ATRNL1: variants seen among roughly 807,000 people sequenced by gnomAD.
ATRNL1 encodes attractin like 1, also known as attractin-like protein 1.
ATRNL1 carries 95 observed loss-of-function variants against 182.7 expected under a neutral mutation model. The ratio of observed to expected loss-of-function variants is 0.52; its 90% CI spans 0.44 to 0.62. ATRNL1 has a LOEUF of 0.62. ATRNL1 is among the 20% of genes least tolerant of loss of function. ATRNL1 has a pLI of 0.00. For synonymous variants in ATRNL1, 576 were observed against 568.3 expected, an observed-to-expected ratio of 1.01 and a Z score of -0.19; for missense variants, 1,471 against 1,679.5, an observed-to-expected ratio of 0.88 and a Z score of 2.17.
intron 24 of ATRNL1, among the ~76,000 whole-genome samples, chr10:115,503,576 A>G (rs1216140864): frequency 6.9e-6 from 1 of 144,488 alleles, no homozygotes; most frequent in African/African-American, 2.9e-5. Flanking sequence ...AGAAAATTTC[A>G]TTGTTTTAAC....
intron 8 of ATRNL1, among the ~76,000 whole-genome samples, chr10:115,209,312 A>G (rs1275846797): frequency 6.6e-6 from 1 of 151,308 alleles, no homozygotes; most frequent in African/African-American, 2.4e-5. Context: ...TCTGGCAATC[A>G]TAGAGCCTAC....
At chr10:115,659,975 T>C (rs2133901367) in intron 26 of ATRNL1, among the ~76,000 whole-genome samples, 1 of 152,182 alleles carries the variant, frequency 6.6e-6, no homozygotes, top group East Asian at 1.9e-4. Context: ...TGCTAAGAAG[T>C]TTACCTTTAT....
chr10:115,374,335 A>G (rs1857548379), intron 19 of ATRNL1, among the ~76,000 whole-genome samples: 1 of 150,844 alleles, frequency 6.6e-6, no homozygotes, highest in African/African-American at 2.4e-5. Flanking sequence ...TCTAGTTCCT[A>G]TTTCATTTAT....
At chr10:115,767,154 T>C (rs1370320173) in intron 27 of ATRNL1, among the ~76,000 whole-genome samples, 1 of 152,172 alleles carries the variant, frequency 6.6e-6, no homozygotes, top group African/African-American at 2.4e-5. Flanking sequence ...CAAACTGTTC[T>C]CACTCATTTA....
At chr10:115,233,341 T>C (rs1554900443) in intron 9 of ATRNL1, among the ~76,000 whole-genome samples, 1 of 152,166 alleles carries the variant, frequency 6.6e-6, no homozygotes, top group Non-Finnish European at 1.5e-5. Flanking sequence ...TTTTTCTGTT[T>C]ATGATCTGAT....
chr10:115,293,168 T>C (rs1412556984), intron 15 of ATRNL1, among the ~76,000 whole-genome samples: 2 of 152,156 alleles, frequency 1.3e-5, no homozygotes, highest in Non-Finnish European at 2.9e-5. Context: ...TAAGTGTAGC[T>C]ACTCCTGTTC....
At chr10:115,668,983 A>T (rs1275647931) in intron 26 of ATRNL1, among the ~76,000 whole-genome samples, 3 of 152,106 alleles carry the variant, frequency 2.0e-5, no homozygotes, top group Non-Finnish European at 4.4e-5. Flanking sequence ...ATAGAACTAG[A>T]TCCAGAAAAA....
intron 27 of ATRNL1, among the ~76,000 whole-genome samples, chr10:115,758,514 G>A (rs1948650088): frequency 6.6e-6 from 1 of 152,128 alleles, no homozygotes; most frequent in East Asian, 1.9e-4. Flanking sequence ...GTCCCAGAGG[G>A]GCACCCACCA....
intron 9 of ATRNL1, among the ~76,000 whole-genome samples, chr10:115,216,923 A>G (rs1325253318): frequency 5.3e-5 from 8 of 151,748 alleles, no homozygotes; most frequent in Non-Finnish European, 1.0e-4. Context: ...TATTCTTTAT[A>G]TTTTTATATT....
At chr10:115,612,129 G>A (rs1216059642) in intron 26 of ATRNL1, among the ~76,000 whole-genome samples, 1 of 152,098 alleles carries the variant, frequency 6.6e-6, no homozygotes, top group Non-Finnish European at 1.5e-5. Flanking sequence ...GCGGACGCCT[G>A]TAATCCCAGC....
At chr10:115,691,025 G>A (rs1417424181) in intron 26 of ATRNL1, among the ~76,000 whole-genome samples, 1 of 152,072 alleles carries the variant, frequency 6.6e-6, no homozygotes, top group Non-Finnish European at 1.5e-5. Flanking sequence ...TCTGCCTCAG[G>A]TGTTTCCTGT....
chr10:115,518,856 A>G (rs1454351031), intron 24 of ATRNL1, among the ~76,000 whole-genome samples: 1 of 141,802 alleles, frequency 7.1e-6, no homozygotes, highest in African/African-American at 2.6e-5. Context: ...TATTATTTGA[A>G]TGGTGTGTAA....
intron 26 of ATRNL1, among the ~76,000 whole-genome samples, chr10:115,695,109 A>G (rs547189302): frequency 1.3e-5 from 2 of 152,218 alleles, no homozygotes; most frequent in East Asian, 3.9e-4. Context: ...TCAGAGAAAA[A>G]TCAACTGACA....
intron 19 of ATRNL1, among the ~76,000 whole-genome samples, chr10:115,339,981 C>T (rs80113089): frequency 6.6e-6 from 1 of 152,126 alleles, no homozygotes; most frequent in East Asian, 1.9e-4. Flanking sequence ...ATCCTTCATT[C>T]TAGTGATATG....
chr10:115,278,272 A>G (rs1343006001), intron 13 of ATRNL1, among the ~76,000 whole-genome samples: 2 of 152,078 alleles, frequency 1.3e-5, no homozygotes, highest in African/African-American at 4.8e-5. Flanking sequence ...TTTAATAAAC[A>G]TTCATTCCAA....
At chr10:115,816,402 A>G (rs1555088576) in intron 27 of ATRNL1, among the ~76,000 whole-genome samples, 1 of 152,184 alleles carries the variant, frequency 6.6e-6, no homozygotes, top group Admixed American at 6.6e-5. Context: ...CAACAAATAC[A>G]TAGTGAGAAG....
rs183807094 is a variant in ATRNL1, at chr10:115,234,715, C to T, written c.1533-6856C>T. ...AAGCGATCCTCTCACTTTAGACTCCCGAGTCACTGGGACCCCAGATGGGTG... is the reference window on the plus strand; with the variant it reads ...AAGCGATCCTCTCACTTTAGACTCCTGAGTCACTGGGACCCCAGATGGGTG... On this transcript the variant is annotated intron_variant, in intron 9 of 28. Transcript: ENST00000355044. Among the ~76,000 whole-genome samples, 746 of 151,506 alleles carry T rather than the reference C, an allele frequency of 4.9e-3. 4 individuals are homozygous for T. Among genetic ancestry groups the T allele is most frequent in the African/African-American group, 0.016 (660 of 41,296 alleles).
chr10:115,225,468 A>C (rs1270322811), intron 9 of ATRNL1, among the ~76,000 whole-genome samples: 1 of 141,704 alleles, frequency 7.1e-6, no homozygotes, highest in Non-Finnish European at 1.5e-5. Context: ...CAGTGTAATA[A>C]GGCAGATTAA....
At chr10:115,144,379 C>G (rs1214681781) in intron 5 of ATRNL1, among the ~76,000 whole-genome samples, 1 of 151,968 alleles carries the variant, frequency 6.6e-6, no homozygotes, top group African/African-American at 2.4e-5. Context: ...AGGATGGTCT[C>G]GACCTCCTGA....
Sources: gnomAD v4.1 joint callset for allele counts (sites outside exome capture counted in the v4.1 genomes callset) on GRCh38, gnomAD v4.1.1 for gene constraint, MANE v1.5 for transcripts, NCBI Gene and HGNC (gene_info 2026-07-23, HGNC 2026-07-21) for gene names.